Variants in CCDC88C observed in about 807,000 individuals in gnomAD.
CCDC88C encodes coiled-coil and HOOK domain protein 88C, also known as protein Daple.
In CCDC88C, 131 loss-of-function variants were observed where a neutral mutation model predicts 198.8. That is an observed-to-expected ratio of 0.66 (90% CI 0.57 to 0.76). CCDC88C has a LOEUF of 0.76. Among genes scored for constraint, CCDC88C ranks in the 30% least tolerant of loss-of-function variants. The probability of loss-of-function intolerance (pLI) is 0.00; values close to 1 mark genes in which losing one functional copy is unlikely to be tolerated. For missense variants in CCDC88C, 2,553 were observed against 2,631.6 expected, an observed-to-expected ratio of 0.97 and a Z score of 0.65; for synonymous variants, 1,166 against 1,114.7, an observed-to-expected ratio of 1.05 and a Z score of -0.92.
At chr14:91,360,379 T>C (rs1894256986) in intron 3 of CCDC88C, among the ~76,000 whole-genome samples, 1 of 151,760 alleles carries the variant, frequency 6.6e-6, no homozygotes, top group Non-Finnish European at 1.5e-5. Flanking sequence ...ACCTGGGTGG[T>C]CGAAGATACA....
chr14:91,272,879 G>T lies in CCDC88C; in HGVS notation c.5833C>A (p.Pro1945Thr). The T allele has an allele frequency of 6.3e-7, 1 of 1,588,512 alleles. No homozygotes were observed. Residue 1945 changes from proline to threonine, a missense_variant, in exon 30 of 30, where the codon CCA (proline) becomes ACA (threonine). By Grantham distance (38) the Pro-to-Thr change is conservative. Transcript: ENST00000389857. ...ATGGTGGCCACCTCCCCTGAGCGTG[G>T]GGGCGCCTTGGGCTTGGTCCTGGCA... The part of the protein sequence containing the change: ...PAARTKPKAP[P>T]RSGEVATITP...
At position 91,306,540 on chromosome 14, in the gene CCDC88C, A is replaced by T. The variant is rs997633868; in HGVS notation, c.3195+498T>A. Among the ~76,000 whole-genome samples the T allele has an allele frequency of 2.6e-5, 4 of 152,344 alleles. No individual in the cohort carries two copies. The East Asian group carries it at 7.7e-4, about 29-fold the overall frequency. The stretch of plus-strand genomic sequence containing the variant: ...AAAATCACCACTCTGAACTTCATAA[A>T]GTCATTGTTGAGAATCAAAGTCAGA... On this transcript the variant is annotated intron_variant, in intron 18 of 29. Coordinates refer to ENST00000389857, the MANE Select transcript of CCDC88C (RefSeq NM_001080414.4).
chr14:91,361,896 A>G (rs954315050), intron 3 of CCDC88C, among the ~76,000 whole-genome samples: 17 of 152,332 alleles, frequency 1.1e-4, no homozygotes, highest in Admixed American at 2.6e-4. Context: ...GAGAGTGCCC[A>G]ATGACATGAG....
At chr14:91,293,588 G>A (rs868371401) in intron 23 of CCDC88C, among the ~76,000 whole-genome samples, 1,027 of 66,796 alleles carry the variant, frequency 0.015, 53 homozygotes, top group Admixed American at 0.023. Flanking sequence ...CTGTCCCCTC[G>A]CCTGCCATGG....
intron 3 of CCDC88C, chr14:91,408,365 C>A (rs945094854): frequency 1.2e-5 from 4 of 334,464 alleles, no homozygotes; most frequent in Admixed American, 8.3e-5. Flanking sequence ...AGTCCCCACT[C>A]AACTGCATTC....
chr14:91,340,088 T>C, intron 6 of CCDC88C, 64 bp from the exon 7 acceptor site: 2 of 1,572,676 alleles, frequency 1.3e-6, no homozygotes, highest in Non-Finnish European at 1.7e-6. Flanking sequence ...TCCCTCACAC[T>C]GCAAACAGCA....
At chr14:91,330,900 G>A (rs992112357) in intron 10 of CCDC88C, among the ~76,000 whole-genome samples, 1 of 152,102 alleles carries the variant, frequency 6.6e-6, no homozygotes, top group Non-Finnish European at 1.5e-5. Context: ...CATCCCTGGA[G>A]AAAGCCCAGA....
chr14:91,396,170 C>T (rs757152082), intron 3 of CCDC88C, among the ~76,000 whole-genome samples: 7 of 152,314 alleles, frequency 4.6e-5, no homozygotes, highest in African/African-American at 7.2e-5. Context: ...AAAACTGTTA[C>T]GAGCCCTGGA....
chr14:91,403,042 A>T (rs1886296935), intron 3 of CCDC88C, among the ~76,000 whole-genome samples: 1 of 152,164 alleles, frequency 6.6e-6, no homozygotes, highest in African/African-American at 2.4e-5. Context: ...TCTGGTCACC[A>T]TGCAACTGTA....
chr14:91,370,653 C>T (rs750185895), intron 3 of CCDC88C, among the ~76,000 whole-genome samples: 1 of 152,238 alleles, frequency 6.6e-6, no homozygotes, highest in African/African-American at 2.4e-5. Context: ...GGAATGCAAG[C>T]CGGGTCTCTG....
chr14:91,294,106 C>T (rs1230238951), intron 23 of CCDC88C, 67 bp downstream of exon 23: 2 of 1,586,622 alleles, frequency 1.3e-6, no homozygotes. Context: ...AAGCCAGGAC[C>T]TCCAGAGACT....
Position 91,339,313 on chromosome 14 carries a change from G to A in CCDC88C, c.774C>T (p.Asp258=). ...TGACGCGCCGCAGCCTGGCCTTGGT[G>A]TCGGCCAGCTCTACGGCCAGGTGCT... ...DKQHLAVELA[D]TKARLRRVRQ... The change falls in exon 8 of 30, where the codon GAC becomes GAT. Residue 258 remains aspartate, a synonymous_variant. Coordinates refer to ENST00000389857, the MANE Select transcript of CCDC88C (RefSeq NM_001080414.4). This position sits in a 1 kb window ranked among gnomAD's most constrained non-coding sequence, Gnocchi z 5.8. 6.2e-7 allele frequency: 1 copy of A among 1,613,432 alleles called. No homozygotes were observed.
chr14:91,315,555 G>C, intron 14 of CCDC88C, 95 bp downstream of exon 14: 1 of 1,320,744 alleles, frequency 7.6e-7, no homozygotes, highest in Non-Finnish European at 1.1e-6. Context: ...GATAATCCAT[G>C]CATCCACAAT....
chr14:91,324,709 C>T, intron 12 of CCDC88C, 70 bp downstream of exon 12: 1 of 1,575,326 alleles, frequency 6.3e-7, no homozygotes, highest in East Asian at 2.2e-5. Flanking sequence ...ATTCAGAGCC[C>T]AGGACTCAGC....
intron 17 of CCDC88C, 114 bp downstream of exon 17, chr14:91,308,237 C>T: frequency 8.0e-7 from 1 of 1,253,980 alleles, no homozygotes; most frequent in Non-Finnish European, 1.1e-6. Flanking sequence ...GCGCATCTAC[C>T]CCTGCCCTAG....
chr14:91,388,266 C>T (rs1885271336), intron 3 of CCDC88C, among the ~76,000 whole-genome samples: 1 of 152,228 alleles, frequency 6.6e-6, no homozygotes, highest in Non-Finnish European at 1.5e-5. Flanking sequence ...ATCTGTCACA[C>T]AGAAGTGAGC....
chr14:91,279,505 C>T, intron 27 of CCDC88C, 199 bp from the exon 28 acceptor site: 1 of 526,964 alleles, frequency 1.9e-6, no homozygotes. Flanking sequence ...GGGCACAGCA[C>T]AAGCAGCCAT....
At chr14:91,415,652 G>A (rs535957037) in intron 2 of CCDC88C, among the ~76,000 whole-genome samples, 11 of 152,118 alleles carry the variant, frequency 7.2e-5, no homozygotes, top group African/African-American at 2.2e-4. Flanking sequence ...CCCGGGAGGC[G>A]GAGGTTGTGG....
chr14:91,275,411 GA>G (rs1889912068), intron 29 of CCDC88C, among the ~76,000 whole-genome samples: 1 of 151,958 alleles, frequency 6.6e-6, no homozygotes, highest in Admixed American at 6.6e-5. Flanking sequence ...GACTGAGAAG[GA>G]AAGCCTTCCA....
Sources: allele counts gnomAD v4.1 joint callset (sites outside exome capture counted in the v4.1 genomes callset), GRCh38; gene constraint gnomAD v4.1.1; non-coding constraint Gnocchi (gnomAD v3.1); transcripts MANE v1.5; gene names NCBI Gene and HGNC (gene_info 2026-07-23, HGNC 2026-07-21).